RBFOX1: variants seen among roughly 807,000 people sequenced by gnomAD.
The protein encoded by RBFOX1 is RNA binding fox-1 homolog 1, also known as RNA binding protein fox-1 homolog 1.
RBFOX1 carries 8 observed loss-of-function variants against 57.7 expected under a neutral mutation model. The observed-to-expected ratio is 0.14, with a 90% CI of 0.08 to 0.25. The LOEUF (loss-of-function observed/expected upper bound fraction) is 0.25. Ranked by LOEUF, RBFOX1 falls within the 10% of genes least tolerant of loss-of-function variation. The pLI, the probability that RBFOX1 is intolerant of heterozygous loss-of-function variation, is 1.00. For synonymous variants in RBFOX1, 326 were observed against 222.4 expected, an observed-to-expected ratio of 1.47 and a Z score of -4.15; for missense variants, 611 against 548.5, an observed-to-expected ratio of 1.11 and a Z score of -1.14.
intron 1 of RBFOX1, among the ~76,000 whole-genome samples, chr16:6,306,068 G>A (rs11643256): frequency 6.6e-6 from 1 of 152,124 alleles, no homozygotes; most frequent in Non-Finnish European, 1.5e-5. Context: ...TTTTGCTCTA[G>A]GCACTCTGTT....
chr16:6,511,225 A>G (rs2096249516), intron 2 of RBFOX1, among the ~76,000 whole-genome samples: 1 of 152,116 alleles, frequency 6.6e-6, no homozygotes, highest in South Asian at 2.1e-4. Flanking sequence ...ATACTCTGAT[A>G]CTCAGATGTG....
At chr16:5,722,107 C>G (rs2051958506) in intron 3 of RBFOX1, among the ~76,000 whole-genome samples, 1 of 152,190 alleles carries the variant, frequency 6.6e-6, no homozygotes, top group African/African-American at 2.4e-5. Flanking sequence ...CCAGGTTGCT[C>G]TACTGACATC....
chr16:6,994,140 G>A (rs1043124457), intron 3 of RBFOX1, among the ~76,000 whole-genome samples: 7 of 152,042 alleles, frequency 4.6e-5, no homozygotes, highest in East Asian at 1.9e-4. Context: ...TGGGAATTGC[G>A]CTTGGGGTAT....
chr16:6,231,793 G>C (rs1158424558), intron 1 of RBFOX1, among the ~76,000 whole-genome samples: 1 of 147,462 alleles, frequency 6.8e-6, no homozygotes, highest in Admixed American at 6.7e-5. Flanking sequence ...GTTTTCTATG[G>C]CTTTTATGAC....
At chr16:7,332,223 T>C (rs942528055) in intron 4 of RBFOX1, among the ~76,000 whole-genome samples, 2 of 152,228 alleles carry the variant, frequency 1.3e-5, no homozygotes, top group African/African-American at 4.8e-5. Context: ...TTAACTAGTA[T>C]CAGCCCTGTT....
In RBFOX1 at chr16:7,597,361, A is replaced by G. The variant is rs201437609; in HGVS notation, c.562-10A>G. 1.0e-5 allele frequency: 16 copies of G among 1,601,690 alleles called. No individual in the cohort carries two copies. In the African/African-American group the frequency reaches 1.1e-4, roughly 11 times the overall value. On this transcript the variant is annotated splice_polypyrimidine_tract_variant and intron_variant, in intron 8 of 15. Transcript: ENST00000550418. ...GAATATGTGCTTACTTGAGTTTTCT[A>G]TGTACATAGGTAAATAATGCCACAG... is the stretch of plus-strand genomic sequence containing the variant.
At chr16:5,675,116 C>G (rs1188099963) in intron 3 of RBFOX1, among the ~76,000 whole-genome samples, 1 of 152,094 alleles carries the variant, frequency 6.6e-6, no homozygotes, top group African/African-American at 2.4e-5. Flanking sequence ...CCAGTACTCT[C>G]CAGCCTGGGC....
chr16:6,879,507 A>T (rs1482492455), intron 3 of RBFOX1, among the ~76,000 whole-genome samples: 1 of 152,334 alleles, frequency 6.6e-6, no homozygotes, highest in East Asian at 1.9e-4. Flanking sequence ...GCAATTTACA[A>T]ACTTACTTGC....
At chr16:6,141,920 A>T (rs1260521609) in intron 1 of RBFOX1, among the ~76,000 whole-genome samples, 2 of 151,730 alleles carry the variant, frequency 1.3e-5, no homozygotes, top group Admixed American at 6.6e-5. Flanking sequence ...TTAGCCAGGT[A>T]TGGTGGCTCA....
intron 2 of RBFOX1, among the ~76,000 whole-genome samples, chr16:6,557,444 A>G (rs1022841878): frequency 2.0e-5 from 3 of 152,218 alleles, no homozygotes; most frequent in Non-Finnish European, 2.9e-5. Flanking sequence ...AACAGCCACA[A>G]TTTCTCTAAT....
At chr16:6,290,799 T>C (rs770102040) in intron 1 of RBFOX1, among the ~76,000 whole-genome samples, 8 of 152,176 alleles carry the variant, frequency 5.3e-5, no homozygotes, top group Non-Finnish European at 8.8e-5. Context: ...TAAGTTCTTC[T>C]TGATACCAGA....
In RBFOX1 at chr16:5,723,200, T is replaced by C. The variant is rs537434661; in HGVS notation, c.318+124239T>C. 5.3e-5 allele frequency among the ~76,000 whole-genome samples: 8 copies of C among 152,312 alleles called. No homozygotes were observed. In the South Asian group the frequency reaches 1.5e-3, roughly 28 times the overall value. On this transcript the variant is annotated intron_variant, in intron 3 of 19. Transcript: ENST00000641259. ...GTAACATGGGAGAATCACAACGGGATCCTCCTCACAGAGGAGGCAGTAGAT... is the reference window on the plus strand; with the variant it reads ...GTAACATGGGAGAATCACAACGGGACCCTCCTCACAGAGGAGGCAGTAGAT...
intron 4 of RBFOX1, among the ~76,000 whole-genome samples, chr16:7,325,485 A>G (rs143382511): frequency 6.6e-6 from 1 of 152,348 alleles, no homozygotes; most frequent in East Asian, 1.9e-4. Flanking sequence ...CAAGAATAAC[A>G]TATGCTTAGT....
chr16:6,680,511 C>T (rs1268600031), intron 3 of RBFOX1, among the ~76,000 whole-genome samples: 5 of 152,130 alleles, frequency 3.3e-5, no homozygotes, highest in Non-Finnish European at 7.4e-5. Context: ...GATCCGCCTG[C>T]CTCGGCCTCC....
intron 2 of RBFOX1, among the ~76,000 whole-genome samples, chr16:5,540,832 C>G (rs753695931): frequency 6.6e-6 from 1 of 152,104 alleles, no homozygotes; most frequent in African/African-American, 2.4e-5. Flanking sequence ...GAATCTAAAT[C>G]TGAATCTGCA....
At chr16:5,729,538 A>G (rs920084278) in intron 3 of RBFOX1, among the ~76,000 whole-genome samples, 2 of 151,960 alleles carry the variant, frequency 1.3e-5, no homozygotes, top group African/African-American at 4.8e-5. Flanking sequence ...TGTGGGAACT[A>G]AGACCTGCTA....
chr16:6,080,501 G>C (rs1289275789), intron 1 of RBFOX1, among the ~76,000 whole-genome samples: 5 of 152,146 alleles, frequency 3.3e-5, no homozygotes, highest in Non-Finnish European at 4.4e-5. Context: ...CCTCAAGTCT[G>C]GAGGGGGAGG....
At chr16:6,954,882 C>T (rs1037678284) in intron 3 of RBFOX1, among the ~76,000 whole-genome samples, 22 of 152,008 alleles carry the variant, frequency 1.4e-4, no homozygotes, top group African/African-American at 5.3e-4. Flanking sequence ...ATTCATGTGT[C>T]CTCAAATAAA....
At chr16:6,195,292 G>A (rs1315274994) in intron 1 of RBFOX1, among the ~76,000 whole-genome samples, 2 of 152,138 alleles carry the variant, frequency 1.3e-5, no homozygotes, top group Non-Finnish European at 1.5e-5. Flanking sequence ...TAGCATTTGT[G>A]CTGTGCCTCC....
Sources: allele counts gnomAD v4.1 joint callset (sites outside exome capture counted in the v4.1 genomes callset), GRCh38; gene constraint gnomAD v4.1.1; transcripts MANE v1.5; gene names NCBI Gene and HGNC (gene_info 2026-07-23, HGNC 2026-07-21).